The following FAM135B variants were observed in gnomAD, a reference collection of about 807,000 sequenced individuals.
FAM135B encodes protein FAM135B.
In FAM135B, 43 loss-of-function variants were observed where a neutral mutation model predicts 127.7. The observed-to-expected ratio is 0.34, with a 90% CI of 0.26 to 0.43. The LOEUF (loss-of-function observed/expected upper bound fraction) is 0.43, where lower values mean the gene tolerates loss of function less well. FAM135B is among the 20% of genes least tolerant of loss of function. The pLI, the probability that FAM135B is intolerant of heterozygous loss-of-function variation, is 1.00. For missense variants in FAM135B, 1,558 were observed against 1,725.6 expected (o/e 0.90, Z 1.72); for synonymous variants, 670 against 665.1 (o/e 1.01, Z -0.11).
chr8:138,422,800 G>C (rs920514652), intron 1 of FAM135B, among the ~76,000 whole-genome samples: 1 of 152,108 alleles, frequency 6.6e-6, no homozygotes, highest in Non-Finnish European at 1.5e-5. Context: ...CTACTGTAAA[G>C]ACACATATAC....
chr8:138,195,521 A>C lies in FAM135B; in HGVS notation c.824-214T>G, dbSNP rs146369665. Among the ~76,000 whole-genome samples, 258 of 152,250 alleles carry C rather than the reference A, an allele frequency of 1.7e-3. 1 individual carries two copies. The East Asian group carries it at 0.046, about 27-fold the overall frequency. On this transcript the variant is annotated intron_variant, in intron 8 of 19. Coordinates refer to ENST00000395297, the MANE Select transcript of FAM135B (RefSeq NM_015912.4). ...AGCCATGGACTGGACTGAGCACTAG[A>C]TAAAAGCCAATATCACCTCATGCAC...
chr8:138,364,272 G>C (rs1479161432), intron 2 of FAM135B, among the ~76,000 whole-genome samples: 1 of 152,174 alleles, frequency 6.6e-6, no homozygotes, highest in Non-Finnish European at 1.5e-5. Flanking sequence ...CCCGGCAAAT[G>C]CAGAATCCTG....
intron 9 of FAM135B, among the ~76,000 whole-genome samples, chr8:138,185,893 C>T (rs1470144451): frequency 2.0e-5 from 3 of 152,194 alleles, no homozygotes; most frequent in African/African-American, 7.2e-5. Flanking sequence ...CCTAATCAGG[C>T]TTCACAGCAG....
In FAM135B at chr8:138,135,532, GAGAC is replaced by G. The variant is rs201496207; in HGVS notation, c.4015+1611_4015+1614del. 7.1e-3 allele frequency among the ~76,000 whole-genome samples: 1,083 copies of G among 152,238 alleles called. 12 individuals carry two copies. The highest frequency in any genetic ancestry group is 0.014 in the Middle Eastern group (4 of 294). ...ATCTTTAAATTAATATTTAATCTGAGAGACAGTAGAGTGAGATAGGCAGGCACGA... is the reference window on the plus strand; with the variant it reads ...ATCTTTAAATTAATATTTAATCTGAGAGTAGAGTGAGATAGGCAGGCACGA... On this transcript the variant is annotated intron_variant, in intron 19 of 19. Coordinates refer to ENST00000395297, the MANE Select transcript of FAM135B (RefSeq NM_015912.4).
At chr8:138,193,548 CTTG>C (rs1175748443) in intron 9 of FAM135B, among the ~76,000 whole-genome samples, 1 of 152,168 alleles carries the variant, frequency 6.6e-6, no homozygotes, top group Non-Finnish European at 1.5e-5. Context: ...TCCTGTGTTC[CTTG>C]TTGTTGTTTC....
chr8:138,274,883 C>A (rs567617776), intron 3 of FAM135B, among the ~76,000 whole-genome samples: 8 of 143,734 alleles, frequency 5.6e-5, no homozygotes, highest in Non-Finnish European at 7.6e-5. Context: ...TTATCCTGTT[C>A]TTTTTTTTTT....
chr8:138,357,903 T>C (rs993574223), intron 2 of FAM135B, among the ~76,000 whole-genome samples: 2 of 152,252 alleles, frequency 1.3e-5, no homozygotes, highest in East Asian at 1.9e-4. Context: ...TTGAAGCCGA[T>C]AGGAATAAAC....
At position 138,442,267 on chromosome 8, in the gene FAM135B, T is replaced by TATATATATATACAC. The variant is rs34280434; in HGVS notation, c.-20+54403_-20+54404insGTGTATATATATAT. On this transcript the variant is annotated intron_variant, in intron 1 of 19. Transcript: ENST00000395297. ...ATATATATATATATATATATATATA[T>TATATATATATACAC]ATATATATATGAAAAACCTTGGCAG... 1.0e-3 allele frequency among the ~76,000 whole-genome samples: 89 copies of TATATATATATACAC among 86,748 alleles called. 5 individuals are homozygous for TATATATATATACAC. The highest frequency in any genetic ancestry group is 3.4e-3 in the South Asian group (10 of 2,972). 56.9% of individuals were successfully genotyped at this position (86,748 alleles called of 152,430 possible).
rs1470982905 is a variant in FAM135B, at chr8:138,243,517, T to C, written c.543-449A>G. On this transcript the variant is annotated intron_variant, in intron 6 of 19. Transcript: ENST00000395297. The surrounding 1 kb of genome is among the most constrained non-coding windows in gnomAD (Gnocchi z 7.5). ...TGTGGAAAAGCATAAAACATCTTCCTCCATGATCCGCATGAGAGTCTAATA... is the reference window on the plus strand; with the variant it reads ...TGTGGAAAAGCATAAAACATCTTCCCCCATGATCCGCATGAGAGTCTAATA... 2.0e-5 allele frequency among the ~76,000 whole-genome samples: 3 copies of C among 152,182 alleles called. No individual in the cohort carries two copies. Among genetic ancestry groups the C allele is most frequent in the Non-Finnish European group, 4.4e-5 (3 of 68,024 alleles).
At chr8:138,463,683 G>T in intron 1 of FAM135B, among the ~76,000 whole-genome samples, 1 of 152,184 alleles carries the variant, frequency 6.6e-6, no homozygotes, top group Non-Finnish European at 1.5e-5. Flanking sequence ...GAAGTAGCTG[G>T]TATGGGCACC....
At chr8:138,153,348 C>T in intron 12 of FAM135B, 132 bp from the exon 13 acceptor site, 1 of 661,960 alleles carries the variant, frequency 1.5e-6, no homozygotes, top group South Asian at 2.5e-5. Context: ...ATAGGAAGAG[C>T]TCCAGTCTAC....
chr8:138,289,389 T>C (rs1824932341), intron 3 of FAM135B, among the ~76,000 whole-genome samples: 2 of 152,184 alleles, frequency 1.3e-5, no homozygotes, highest in African/African-American at 4.8e-5. Flanking sequence ...AATGAATTGT[T>C]CAGTTACTCA....
At chr8:138,280,625 A>G (rs1000821427) in intron 3 of FAM135B, among the ~76,000 whole-genome samples, 3 of 152,182 alleles carry the variant, frequency 2.0e-5, no homozygotes, top group Admixed American at 2.0e-4. Flanking sequence ...CCCAGCAGCC[A>G]CAGAACTTGG....
At chr8:138,218,990 G>GC (rs1258630339) in intron 7 of FAM135B, among the ~76,000 whole-genome samples, 10 of 152,172 alleles carry the variant, frequency 6.6e-5, no homozygotes, top group African/African-American at 2.4e-4. Context: ...TGAGTTGAAT[G>GC]CATTTGCAGG....
At chr8:138,284,772 G>C (rs893171518) in intron 3 of FAM135B, among the ~76,000 whole-genome samples, 12 of 151,912 alleles carry the variant, frequency 7.9e-5, no homozygotes, top group African/African-American at 2.4e-5. Flanking sequence ...CCTCTTAGTG[G>C]TGTGTCTGTG....
At chr8:138,369,701 T>G (rs1474799964) in intron 1 of FAM135B, among the ~76,000 whole-genome samples, 1 of 152,034 alleles carries the variant, frequency 6.6e-6, no homozygotes, top group Admixed American at 6.5e-5. Context: ...GAGGCTCAAT[T>G]TTAATCCCAA....
chr8:138,379,374 T>C (rs979364477), intron 1 of FAM135B, among the ~76,000 whole-genome samples: 13 of 152,046 alleles, frequency 8.6e-5, no homozygotes, highest in African/African-American at 2.9e-4. Flanking sequence ...TCAACATAAA[T>C]GTATATTTTT....
At chr8:138,308,853 G>A (rs1826455518) in intron 3 of FAM135B, 1 of 271,730 alleles carries the variant, frequency 3.7e-6, no homozygotes, top group Non-Finnish European at 7.4e-6. Context: ...GCCTGGGCAT[G>A]GCTTTCATCA....
At chr8:138,345,319 G>A (rs531305271) in intron 2 of FAM135B, among the ~76,000 whole-genome samples, 12 of 152,328 alleles carry the variant, frequency 7.9e-5, no homozygotes, top group Middle Eastern at 3.4e-3. Context: ...AGGATCAGCC[G>A]TCAGAAAGTT....
Sources: gnomAD v4.1 joint callset for allele counts (sites outside exome capture counted in the v4.1 genomes callset) on GRCh38, gnomAD v4.1.1 for gene constraint, Gnocchi (gnomAD v3.1) non-coding constraint, MANE v1.5 for transcripts, NCBI Gene and HGNC (gene_info 2026-07-23, HGNC 2026-07-21) for gene names.